Variants in NTM observed in about 807,000 individuals in gnomAD.
NTM encodes IgLON family member 2.
A neutral mutation model predicts 42.1 loss-of-function variants in NTM; 13 were observed. The observed-to-expected ratio is 0.31, with a 90% confidence interval of 0.20 to 0.49. NTM has a LOEUF of 0.49. Ranked by LOEUF, NTM falls within the 20% of genes least tolerant of loss-of-function variation. The pLI, the probability that NTM is intolerant of heterozygous loss-of-function variation, is 0.99. For missense variants in NTM, 373 were observed against 452.8 expected, an observed-to-expected ratio of 0.82 and a Z score of 1.60; for synonymous variants, 187 against 179.2, an observed-to-expected ratio of 1.04 and a Z score of -0.35.
chr11:131,809,278 G>T (rs190725214), intron 1 of NTM, among the ~76,000 whole-genome samples: 1 of 152,244 alleles, frequency 6.6e-6, no homozygotes, highest in African/African-American at 2.4e-5. Context: ...CAGCTGGTAA[G>T]TAGCCATCCT....
At chr11:131,871,547 A>G (rs193096843) in intron 1 of NTM, among the ~76,000 whole-genome samples, 4 of 152,322 alleles carry the variant, frequency 2.6e-5, no homozygotes, top group Admixed American at 1.3e-4. Context: ...GCGATCAAAC[A>G]TTGTTTATGC....
chr11:132,295,781 G>A (rs912886010), intron 4 of NTM, among the ~76,000 whole-genome samples: 1 of 152,164 alleles, frequency 6.6e-6, no homozygotes, highest in Non-Finnish European at 1.5e-5. Context: ...TCCATGCCAC[G>A]GAGCAATGTG....
At chr11:131,483,030 A>G (rs1239187767) in intron 1 of NTM, among the ~76,000 whole-genome samples, 4 of 152,238 alleles carry the variant, frequency 2.6e-5, no homozygotes, top group African/African-American at 9.6e-5. Flanking sequence ...AGAGGGCTAC[A>G]GGTAAACACT....
intron 4 of NTM, among the ~76,000 whole-genome samples, chr11:132,301,706 G>A (rs2094866606): frequency 6.6e-6 from 1 of 152,234 alleles, no homozygotes; most frequent in Admixed American, 6.5e-5. Flanking sequence ...AGAGGCTGCA[G>A]AGCTGGTGCA....
intron 1 of NTM, among the ~76,000 whole-genome samples, chr11:131,799,909 A>G (rs894263539): frequency 6.6e-6 from 1 of 152,178 alleles, no homozygotes; most frequent in Non-Finnish European, 1.5e-5. Context: ...ACCTCTCCCC[A>G]TATATAAGAA....
intron 1 of NTM, among the ~76,000 whole-genome samples, chr11:131,545,654 A>C (rs1358422843): frequency 6.6e-6 from 1 of 152,212 alleles, no homozygotes; most frequent in Non-Finnish European, 1.5e-5. Flanking sequence ...ATGAAATCAA[A>C]GAAACTATTA....
At chr11:131,428,488 T>C (rs1375100) in intron 1 of NTM, among the ~76,000 whole-genome samples, 146,063 of 152,172 alleles carry the variant, frequency 0.96, 70,122 homozygotes, top group East Asian at 1. Context: ...CTTTGGATGG[T>C]GGCCCTCTTG....
Position 132,212,629 on chromosome 11 carries a change from G to A in NTM, c.526+482G>A, listed in dbSNP as rs574049989. Among the ~76,000 whole-genome samples, 60 of 152,234 alleles carry A rather than the reference G, an allele frequency of 3.9e-4. 1 individual carries two copies. The highest frequency in any genetic ancestry group is 1.2e-3 in the African/African-American group (49 of 41,550). ...TGTGGTTTTGTTGTTGTTTTACTCC[G>A]ATTGATCCTAGAGAACAAATATAAC... On this transcript the variant is annotated intron_variant, in intron 4 of 8. Transcript: ENST00000683400.
chr11:131,470,484 TC>T (rs1447246843), intron 1 of NTM, among the ~76,000 whole-genome samples: 1 of 152,212 alleles, frequency 6.6e-6, no homozygotes, highest in Non-Finnish European at 1.5e-5. Flanking sequence ...TAATCTTGTC[TC>T]CTCTAGACCC....
At chr11:131,612,013 G>A (rs1163128237) in intron 1 of NTM, among the ~76,000 whole-genome samples, 1 of 152,192 alleles carries the variant, frequency 6.6e-6, no homozygotes. Context: ...TGGCAGAGGT[G>A]ATGGCATGTG....
At chr11:131,437,882 G>A (rs1949284105) in intron 1 of NTM, among the ~76,000 whole-genome samples, 1 of 152,160 alleles carries the variant, frequency 6.6e-6, no homozygotes, top group Admixed American at 6.5e-5. Flanking sequence ...TAGCATTGAT[G>A]GTCTTTACAA....
chr11:131,542,975 C>T (rs2053477359), intron 1 of NTM, among the ~76,000 whole-genome samples: 1 of 152,208 alleles, frequency 6.6e-6, no homozygotes, highest in South Asian at 2.1e-4. Context: ...GGCCCATAGC[C>T]TGGAGAACAT....
chr11:131,457,595 CA>C (rs1951010177), intron 1 of NTM, among the ~76,000 whole-genome samples: 2 of 152,152 alleles, frequency 1.3e-5, no homozygotes. Context: ...AGTTTACATA[CA>C]GTGCCTGTGA....
intron 8 of NTM, chr11:132,332,726 C>T (rs1469354768): frequency 6.6e-6 from 1 of 152,226 alleles, no homozygotes; most frequent in Non-Finnish European, 1.5e-5. Context: ...CTGCAGAGTC[C>T]CCAGCCTGGA....
chr11:131,650,502 C>T (rs1390195550), intron 1 of NTM, among the ~76,000 whole-genome samples: 1 of 152,138 alleles, frequency 6.6e-6, no homozygotes, highest in African/African-American at 2.4e-5. Context: ...TTTGACTTCC[C>T]TGGTTTCTCA....
rs778074716 is a variant in NTM at position 132,321,143 on chromosome 11, C to G, written c.934+6440C>G. ...CCTCTCCTCCTCCAAAGGAATGCAG[C>G]TCCTCACCAGCAACTGAACAAAGCT... On this transcript the variant is annotated intron_variant, in intron 7 of 8. Transcript: ENST00000683400. Among the ~76,000 whole-genome samples the G allele has an allele frequency of 2.6e-5, 4 of 152,280 alleles. No homozygotes were observed. In the East Asian group the frequency reaches 7.7e-4, roughly 29 times the overall value.
At chr11:131,475,778 T>A (rs1350352922) in intron 1 of NTM, among the ~76,000 whole-genome samples, 1 of 152,072 alleles carries the variant, frequency 6.6e-6, no homozygotes, top group African/African-American at 2.4e-5. Context: ...AACTGGGCTT[T>A]AGAAATGAAA....
chr11:131,813,930 A>G (rs1029614294), intron 1 of NTM, among the ~76,000 whole-genome samples: 4 of 152,142 alleles, frequency 2.6e-5, no homozygotes, highest in African/African-American at 9.7e-5. Context: ...CACAGACTTC[A>G]TGGAGTATTA....
intron 1 of NTM, among the ~76,000 whole-genome samples, chr11:131,858,630 C>A (rs2046333596): frequency 6.6e-6 from 1 of 152,206 alleles, no homozygotes. Flanking sequence ...ATAGCAGCCG[C>A]AGGTGCTTTG....
Sources: gnomAD v4.1 joint callset for allele counts (sites outside exome capture counted in the v4.1 genomes callset) on GRCh38, gnomAD v4.1.1 for gene constraint, MANE v1.5 for transcripts, NCBI Gene and HGNC (gene_info 2026-07-23, HGNC 2026-07-21) for gene names.